Variants in SNRPD3 observed in about 807,000 individuals in gnomAD.
SNRPD3 encodes the protein small nuclear ribonucleoprotein Sm D3.
For missense variants in SNRPD3, 73 were observed against 167.5 expected (o/e 0.44, Z 3.11); for synonymous variants, 66 against 58.4 (o/e 1.13, Z -0.59).
chr22:24,570,364 T>C (rs2045237979), intron 3 of SNRPD3, among the ~76,000 whole-genome samples: 1 of 152,168 alleles, frequency 6.6e-6, no homozygotes, highest in South Asian at 2.1e-4. Flanking sequence ...CTGGGAACCA[T>C]AGATGAAAGC....
At chr22:24,568,611 G>T (rs1240250976) in intron 3 of SNRPD3, among the ~76,000 whole-genome samples, 1 of 151,616 alleles carries the variant, frequency 6.6e-6, no homozygotes, top group Non-Finnish European at 1.5e-5. Flanking sequence ...AGGCTGGAGT[G>T]CAGTGGCGTG....
At chr22:24,571,835 G>A in intron 3 of SNRPD3, 81 bp from the exon 4 acceptor site, 1 of 1,432,708 alleles carries the variant, frequency 7.0e-7, no homozygotes, top group Non-Finnish European at 9.8e-7. Flanking sequence ...TCTAACTGGT[G>A]TCCTAGGGCC....
chr22:24,555,943 C>T (rs1345047976), upstream of SNRPD3: 14 of 1,068,916 alleles, frequency 1.3e-5, no homozygotes, highest in Non-Finnish European at 1.9e-5. Flanking sequence ...AGGAAGGAGG[C>T]GGGCCCTGCG....
At chr22:24,564,021 C>T (rs1569025794) in intron 2 of SNRPD3, among the ~76,000 whole-genome samples, 5 of 151,884 alleles carry the variant, frequency 3.3e-5, no homozygotes, top group Admixed American at 3.3e-4. Flanking sequence ...TTATCGTATA[C>T]TTTTTTTTTC....
chr22:24,563,270 G>GTA (rs1211270636), intron 2 of SNRPD3, among the ~76,000 whole-genome samples: 102 of 148,506 alleles, frequency 6.9e-4, no homozygotes, highest in Middle Eastern at 3.5e-3. Context: ...ATATATGTAT[G>GTA]TATATATATG....
At chr22:24,571,688 G>A (rs1014235551) in intron 3 of SNRPD3, among the ~76,000 whole-genome samples, 9 of 151,782 alleles carry the variant, frequency 5.9e-5, no homozygotes, top group African/African-American at 2.2e-4. Flanking sequence ...AGATTGCAGT[G>A]AGCCGAGATC....
Position 24,572,049 on chromosome 22 carries a change from G to A in SNRPD3, c.*72G>A, listed in dbSNP as rs940189012. 2 of 1,598,696 alleles carry A rather than the reference G, an allele frequency of 1.3e-6. No homozygotes were observed. Among genetic ancestry groups the A allele is most frequent in the African/African-American group, 2.7e-5 (2 of 74,226 alleles). Reference sequence around the variant, plus strand: ...TGAGTTCATTGGAGTGGGTGCTTGTGCATATATGCTAGGTATCTTTTGCCA... The same window carrying A: ...TGAGTTCATTGGAGTGGGTGCTTGTACATATATGCTAGGTATCTTTTGCCA... On this transcript the variant is annotated 3_prime_UTR_variant, in exon 4 of 4. Coordinates refer to ENST00000215829, the MANE Select transcript of SNRPD3 (RefSeq NM_004175.5).
rs371010665 is a variant in SNRPD3, at chr22:24,564,883, C to CTTTTTTTTTTTTTTTTTTTT, written c.127-3101_127-3100insTTTTTTTTTTTTTTTTTTTT. On this transcript the variant is annotated intron_variant, in intron 2 of 3. Transcript: ENST00000215829. ...GCATTTAGACATACTTTGCCTTGTT[C>CTTTTTTTTTTTTTTTTTTTT]ATTTTTTTTTTTTTTTTTTTGACAG... 7.1e-5 allele frequency among the ~76,000 whole-genome samples: 9 copies of CTTTTTTTTTTTTTTTTTTTT among 127,166 alleles called. 4 individuals carry two copies. The highest frequency in any genetic ancestry group is 3.4e-5 in the Non-Finnish European group (2 of 58,460). 83.4% of individuals were successfully genotyped at this position (127,166 alleles called of 152,430 possible).
chr22:24,568,034 G>C lies in SNRPD3; in HGVS notation c.177G>C (p.Glu59Asp). Residue 59 changes from glutamate to aspartate, a missense_variant, in exon 3 of 4, where the codon GAG becomes GAC. By Grantham distance (45) the Glu-to-Asp change is conservative. Transcript: ENST00000215829. ...GAGATGGCCGAGTGGCACAGCTGGA[G>C]CAGGTATACATCCGTGGCAGCAAAA... ...TYRDGRVAQL[E>D]QVYIRGSKIR... The C allele has an allele frequency of 1.2e-6, 2 of 1,613,330 alleles. No homozygotes were observed. The highest frequency in any genetic ancestry group is 1.7e-6 in the Non-Finnish European group (2 of 1,179,714).
intron 2 of SNRPD3, among the ~76,000 whole-genome samples, chr22:24,564,489 G>A (rs888736415): frequency 6.6e-6 from 1 of 152,202 alleles, no homozygotes; most frequent in African/African-American, 2.4e-5. Context: ...ACAAACACAG[G>A]TCAGGCTTAT....
At chr22:24,556,690 C>T (rs1166994572) in intron 1 of SNRPD3, among the ~76,000 whole-genome samples, 1 of 152,194 alleles carries the variant, frequency 6.6e-6, no homozygotes, top group Non-Finnish European at 1.5e-5. Context: ...CTTTTCATTG[C>T]GTCATTCTTT....
upstream of SNRPD3, chr22:24,555,955 G>T: frequency 1.0e-6 from 1 of 967,750 alleles, no homozygotes; most frequent in Non-Finnish European, 1.5e-6. Context: ...GGCCCTGCGC[G>T]CAGCATTTTG....
chr22:24,568,258 C>A, intron 3 of SNRPD3, 82 bp downstream of exon 3: 1 of 1,105,484 alleles, frequency 9.0e-7, no homozygotes, highest in Middle Eastern at 2.2e-4. Flanking sequence ...TGCCTGGAGA[C>A]AGAGAGGGTT....
At chr22:24,562,916 A>G (rs1219284796) in intron 2 of SNRPD3, among the ~76,000 whole-genome samples, 1 of 152,224 alleles carries the variant, frequency 6.6e-6, no homozygotes, top group South Asian at 2.1e-4. Flanking sequence ...AGTGTTCTTA[A>G]GTTAAAATAG....
At chr22:24,556,367 T>G (rs1027274780) in intron 1 of SNRPD3, among the ~76,000 whole-genome samples, 123 of 35,838 alleles carry the variant, frequency 3.4e-3, no homozygotes, top group Non-Finnish European at 4.7e-3. Flanking sequence ...ATCCTATGAG[T>G]TTTTTTTTGT....
In SNRPD3 at chr22:24,573,519, T is replaced by A. The variant is rs5996719; in HGVS notation, c.*1542T>A. ...TTGTCTTATGATACTACCTGGAGGT[T>A]ACAGAGCTGGTATTCTGAGGAATAA... On this transcript the variant is annotated 3_prime_UTR_variant, in exon 4 of 4. Transcript: ENST00000215829. 9.2e-3 allele frequency among the ~76,000 whole-genome samples: 1,396 copies of A among 152,322 alleles called. 25 individuals carry two copies. Among genetic ancestry groups the A allele is most frequent in the African/African-American group, 0.031 (1,303 of 41,564 alleles).
Position 24,568,136 on chromosome 22 carries a change from A to C in SNRPD3, c.279A>C (p.Ser93=). The C allele has an allele frequency of 6.2e-7, 1 of 1,613,900 alleles. No homozygotes were observed. Among genetic ancestry groups the C allele is most frequent in the Non-Finnish European group, 8.5e-7 (1 of 1,179,906 alleles). Residue 93 remains serine, a synonymous_variant, in exon 3 of 4, where the codon TCA becomes TCC. Coordinates refer to ENST00000215829, the MANE Select transcript of SNRPD3 (RefSeq NM_004175.5). ...LKSMKNKNQG[S]GAGRGKAAIL... Reference sequence around the variant, plus strand: ...GCATGAAAAATAAAAACCAAGGCTCAGGGGCTGGCCGAGGAAAAGCTGCTA... The same window carrying C: ...GCATGAAAAATAAAAACCAAGGCTCCGGGGCTGGCCGAGGAAAAGCTGCTA...
At chr22:24,570,337 A>T (rs1283059765) in intron 3 of SNRPD3, among the ~76,000 whole-genome samples, 1 of 152,206 alleles carries the variant, frequency 6.6e-6, no homozygotes, top group Non-Finnish European at 1.5e-5. Flanking sequence ...TATAACAAGG[A>T]CTATAGGAGT....
At chr22:24,557,972 C>T (rs1049265545) in intron 2 of SNRPD3, 172 bp downstream of exon 2, 7 of 511,178 alleles carry the variant, frequency 1.4e-5, no homozygotes, top group African/African-American at 6.0e-5. Flanking sequence ...TGGGCATGAA[C>T]GAGACACATA....
Sources: allele counts gnomAD v4.1 joint callset (sites outside exome capture counted in the v4.1 genomes callset), GRCh38; gene constraint gnomAD v4.1.1; transcripts MANE v1.5; gene names NCBI Gene and HGNC (gene_info 2026-07-23, HGNC 2026-07-21).